The following FCRL2 variants were observed in gnomAD, a reference collection of about 807,000 sequenced individuals.
FCRL2 encodes Fc receptor-like protein 2.
In FCRL2, 48 loss-of-function variants were observed where a neutral mutation model predicts 59.8. The observed-to-expected ratio is 0.80, with a 90% CI of 0.64 to 1.02. FCRL2 has a LOEUF of 1.02. Ranked by LOEUF, FCRL2 falls within the 50% of genes least tolerant of loss-of-function variation. FCRL2 has a pLI of 0.00. For synonymous variants in FCRL2, 251 were observed against 229.5 expected, an observed-to-expected ratio of 1.09 and a Z score of -0.85; for missense variants, 658 against 597.3, an observed-to-expected ratio of 1.10 and a Z score of -1.06.
At chr1:157,765,790 C>T (rs1649445747) in intron 7 of FCRL2, among the ~76,000 whole-genome samples, 1 of 152,160 alleles carries the variant, frequency 6.6e-6, no homozygotes, top group Admixed American at 6.5e-5. Flanking sequence ...GATACCTAGG[C>T]AAGTTTGAAG....
At chr1:157,767,758 C>T in intron 5 of FCRL2, 4 of 1,367,986 alleles carry the variant, frequency 2.9e-6, no homozygotes, top group Non-Finnish European at 3.9e-6. Flanking sequence ...TTTTCCTGTG[C>T]CCATCCAGCC....
Position 157,746,705 on chromosome 1 carries a change from T to C in FCRL2, c.*31A>G. ...AGTCTTAATGATGCCCCATCCTTGC[T>C]GTTGATCTTCCCTTCTGATTCCTCC... On this transcript the variant is annotated 3_prime_UTR_variant, in exon 12 of 12. Coordinates refer to ENST00000361516, the MANE Select transcript of FCRL2 (RefSeq NM_030764.4). 6.2e-7 allele frequency: 1 copy of C among 1,607,964 alleles called. No homozygotes were observed. The highest frequency in any genetic ancestry group is 8.5e-7 in the Non-Finnish European group (1 of 1,174,500).
intron 2 of FCRL2, among the ~76,000 whole-genome samples, 171 bp from the exon 3 acceptor site, chr1:157,770,837 C>T (rs567742906): frequency 6.6e-6 from 1 of 152,220 alleles, no homozygotes; most frequent in African/African-American, 2.4e-5. Flanking sequence ...GAGGGGATAT[C>T]TTAGCTTGTG....
In FCRL2 at chr1:157,769,983, G is replaced by A. The variant is rs148305794; in HGVS notation, c.478C>T (p.Pro160Ser). 3,638 of 1,614,168 alleles carry A rather than the reference G, an allele frequency of 2.3e-3. 43 individuals are homozygous for A. The highest frequency in any genetic ancestry group is 0.017 in the South Asian group (1,563 of 91,078). The change falls in exon 4 of 12, where the codon CCG becomes TCG. Residue 160 changes from proline to serine, a missense_variant. Physicochemically the swap from Pro to Ser is moderately conservative, Grantham distance 74. Transcript: ENST00000361516. ...QVLGSGWSSS[P>S]ELQISAVWSE... is the part of the protein sequence containing the mutation. ...CACACGGCAGAAATCTGGAGCTCCGGAGAGCTGCTCCAGCCTGACCCCAGG... is the reference window on the plus strand; with the variant it reads ...CACACGGCAGAAATCTGGAGCTCCGAAGAGCTGCTCCAGCCTGACCCCAGG...
At chr1:157,770,976 G>T (rs1478689743) in intron 2 of FCRL2, among the ~76,000 whole-genome samples, 2 of 152,140 alleles carry the variant, frequency 1.3e-5, no homozygotes, top group Non-Finnish European at 2.9e-5. Context: ...GCCATCTTCT[G>T]GGCTGCAGAC....
chr1:157,751,472 C>T (rs966196710), intron 7 of FCRL2, among the ~76,000 whole-genome samples: 15 of 152,278 alleles, frequency 9.9e-5, no homozygotes, highest in African/African-American at 2.6e-4. Context: ...GGGAGGAGTG[C>T]CCCGTGTGGA....
At chr1:157,748,787 T>C in intron 9 of FCRL2, 88 bp downstream of exon 9, 1 of 1,302,340 alleles carries the variant, frequency 7.7e-7, no homozygotes, top group Non-Finnish European at 1.1e-6. Context: ...TGTTGGGGTG[T>C]CTACACCACC....
At chr1:157,748,987 A>G (rs769456516) in intron 8 of FCRL2, 27 bp from the exon 9 acceptor site, 32 of 1,595,404 alleles carry the variant, frequency 2.0e-5, no homozygotes, top group Non-Finnish European at 2.6e-5. Flanking sequence ...TAATTGTATG[A>G]TAATCCCCAG....
In FCRL2 at chr1:157,748,020, AT is replaced by A. The variant is rs973802687; in HGVS notation, c.1459+532del. On this transcript the variant is annotated intron_variant, in intron 10 of 11. Coordinates refer to ENST00000361516, the MANE Select transcript of FCRL2 (RefSeq NM_030764.4). ...TGAAGACTCATTAGACCATCACCCT[AT>A]TTTTTTTTTTAAGTTTGCTCTCTTC... Among the ~76,000 whole-genome samples, 209 of 145,020 alleles carry A rather than the reference AT, an allele frequency of 1.4e-3. 1 individual carries two copies. The highest frequency in any genetic ancestry group is 5.2e-3 in the East Asian group (26 of 4,984).
chr1:157,753,921 T>C (rs1307314166), intron 7 of FCRL2, among the ~76,000 whole-genome samples: 1 of 152,178 alleles, frequency 6.6e-6, no homozygotes, highest in Non-Finnish European at 1.5e-5. Flanking sequence ...TATTAAATAA[T>C]TTCTTCTTAT....
chr1:157,766,303 C>T (rs529034495), intron 7 of FCRL2, among the ~76,000 whole-genome samples: 1 of 152,182 alleles, frequency 6.6e-6, no homozygotes, highest in East Asian at 1.9e-4. Context: ...AACCCTGTCT[C>T]TACTAAAAAT....
chr1:157,776,408 T>C (rs1650416236), intron 1 of FCRL2, among the ~76,000 whole-genome samples: 1 of 152,152 alleles, frequency 6.6e-6, no homozygotes, highest in Admixed American at 6.5e-5. Flanking sequence ...TAGCTGGAAT[T>C]ACAGGTGCCC....
intron 2 of FCRL2, among the ~76,000 whole-genome samples, chr1:157,774,273 G>T (rs1017121464): frequency 6.6e-6 from 1 of 152,110 alleles, no homozygotes; most frequent in Non-Finnish European, 1.5e-5. Context: ...ACCTTGCAGG[G>T]GATTGTAATT....
intron 8 of FCRL2, 124 bp from the exon 9 acceptor site, chr1:157,749,084 A>T: frequency 2.7e-6 from 2 of 754,264 alleles, no homozygotes; most frequent in Admixed American, 2.5e-5. Flanking sequence ...GGGTGATTTT[A>T]TGGCCCTTTG....
At chr1:157,760,654 AGAAG>A (rs796961253) in intron 7 of FCRL2, among the ~76,000 whole-genome samples, 4,501 of 129,484 alleles carry the variant, frequency 0.035, 297 homozygotes, top group African/African-American at 0.12. Context: ...AAAGAAAGAA[AGAAG>A]GAAGGAAGGA....
At chr1:157,755,818 T>A (rs1370673691) in intron 7 of FCRL2, among the ~76,000 whole-genome samples, 1 of 152,204 alleles carries the variant, frequency 6.6e-6, no homozygotes, top group Non-Finnish European at 1.5e-5. Context: ...TACAATGACA[T>A]CACATAAGTC....
chr1:157,749,873 C>T (rs1648047909), intron 7 of FCRL2, among the ~76,000 whole-genome samples, 196 bp from the exon 8 acceptor site: 1 of 151,884 alleles, frequency 6.6e-6, no homozygotes, highest in Admixed American at 6.6e-5. Flanking sequence ...TCTTTTTTTC[C>T]CACTGATTTA....
chr1:157,774,556 T>C (rs1305070112), intron 2 of FCRL2: 1 of 442,336 alleles, frequency 2.3e-6, no homozygotes, highest in Non-Finnish European at 4.5e-6. Context: ...TGTTGCCCTG[T>C]TCTCTGAATG....
intron 2 of FCRL2, among the ~76,000 whole-genome samples, chr1:157,772,247 A>C (rs1247623255): frequency 6.6e-6 from 1 of 152,064 alleles, no homozygotes; most frequent in Admixed American, 6.6e-5. Context: ...TAGGAAGACG[A>C]GTCATGATTA....
Sources: allele counts gnomAD v4.1 joint callset (sites outside exome capture counted in the v4.1 genomes callset), GRCh38; gene constraint gnomAD v4.1.1; transcripts MANE v1.5; gene names NCBI Gene and HGNC (gene_info 2026-07-23, HGNC 2026-07-21).